RGS6: variants seen among roughly 807,000 people sequenced by gnomAD.
The protein encoded by RGS6 is regulator of G-protein signaling 6.
Under a neutral mutation model 78.5 loss-of-function variants are expected in RGS6, and 30 were observed. The ratio of observed to expected loss-of-function variants is 0.38; its 90% confidence interval spans 0.29 to 0.52. The LOEUF is 0.52. RGS6 is among the 20% of genes least tolerant of loss of function. The pLI is 0.85. For missense variants in RGS6, 495 were observed against 609.7 expected (o/e 0.81, Z 1.98); for synonymous variants, 206 against 206.0 (o/e 1.00, Z 0.00).
intron 2 of RGS6, among the ~76,000 whole-genome samples, chr14:72,103,895 T>C (rs1266496333): frequency 6.6e-6 from 1 of 152,224 alleles, no homozygotes; most frequent in Non-Finnish European, 1.5e-5. Context: ...TGACCATTTT[T>C]ACAATTTACC....
chr14:72,546,414 G>A (rs955509566), intron 17 of RGS6, among the ~76,000 whole-genome samples: 7 of 152,214 alleles, frequency 4.6e-5, no homozygotes, highest in Non-Finnish European at 8.8e-5. Flanking sequence ...GGAGTCTCGA[G>A]ACTTTTATCA....
the RGS6 span, among the ~76,000 whole-genome samples, chr14:71,926,838 A>G: frequency 6.6e-6 from 1 of 152,126 alleles, no homozygotes; most frequent in Non-Finnish European, 1.5e-5. Flanking sequence ...ATAGGGTTTC[A>G]ATGGACACAT....
chr14:72,017,779 C>T (rs11845993), intron 2 of RGS6, among the ~76,000 whole-genome samples: 1 of 151,088 alleles, frequency 6.6e-6, no homozygotes. Flanking sequence ...TTTTTTTTTT[C>T]TTCAACTTTT....
At chr14:72,390,090 CTTTTTTTTT>C (rs767640465) in intron 3 of RGS6, among the ~76,000 whole-genome samples, 1 of 117,408 alleles carries the variant, frequency 8.5e-6, no homozygotes, top group South Asian at 3.0e-4. Flanking sequence ...AGCTATAGTT[CTTTTTTTTT>C]TTTTTTTTTT....
chr14:72,220,558 G>C (rs2046632562), intron 2 of RGS6, among the ~76,000 whole-genome samples: 1 of 152,172 alleles, frequency 6.6e-6, no homozygotes, highest in South Asian at 2.1e-4. Flanking sequence ...TTGGAGTGAA[G>C]TGCCTACTGA....
intron 3 of RGS6, among the ~76,000 whole-genome samples, chr14:72,440,414 CTTTT>C (rs60589205): frequency 2.3e-5 from 3 of 131,970 alleles, no homozygotes; most frequent in African/African-American, 2.8e-5. Context: ...ACCTACACTT[CTTTT>C]TTTTTTTTTT....
chr14:72,058,809 A>G (rs1164468124), intron 2 of RGS6, among the ~76,000 whole-genome samples: 2 of 152,198 alleles, frequency 1.3e-5, no homozygotes, highest in African/African-American at 4.8e-5. Flanking sequence ...TATTGTGAAT[A>G]TTATATTAGA....
chr14:72,235,384 G>A (rs1027784258), intron 2 of RGS6, among the ~76,000 whole-genome samples: 2 of 152,206 alleles, frequency 1.3e-5, no homozygotes, highest in Non-Finnish European at 2.9e-5. Context: ...GGACAGTGGG[G>A]ACTGGAGCTG....
At chr14:72,195,141 G>C (rs891573146) in intron 2 of RGS6, among the ~76,000 whole-genome samples, 3 of 152,126 alleles carry the variant, frequency 2.0e-5, no homozygotes, top group African/African-American at 7.2e-5. Context: ...CCAGAAGTCA[G>C]AGGTTGCAGT....
At chr14:71,916,184 G>C in the RGS6 span, among the ~76,000 whole-genome samples, 1 of 152,238 alleles carries the variant, frequency 6.6e-6, no homozygotes, top group African/African-American at 2.4e-5. Flanking sequence ...GTTTGTAGAT[G>C]TGGAGCTGGG....
At chr14:72,157,806 G>A (rs1430727432) in intron 2 of RGS6, among the ~76,000 whole-genome samples, 1 of 152,108 alleles carries the variant, frequency 6.6e-6, no homozygotes, top group East Asian at 1.9e-4. Flanking sequence ...TGAGTGTAAA[G>A]ATGCAGGACC....
chr14:72,462,751 A>G (rs1049275164), intron 6 of RGS6, among the ~76,000 whole-genome samples: 3 of 152,168 alleles, frequency 2.0e-5, no homozygotes, highest in Admixed American at 2.0e-4. Context: ...TCCATCACTA[A>G]CTAGCCCTTG....
At chr14:72,619,292 G>A in the RGS6 span, 1 of 1,536,036 alleles carries the variant, frequency 6.5e-7, no homozygotes, top group South Asian at 1.2e-5. Context: ...CTGTGACCTG[G>A]GGCCCTAGGC....
intron 2 of RGS6, among the ~76,000 whole-genome samples, chr14:72,345,803 A>G (rs527800883): frequency 6.6e-6 from 1 of 152,270 alleles, no homozygotes; most frequent in African/African-American, 2.4e-5. Context: ...CAGTACGTAC[A>G]CACAAATACA....
At chr14:71,869,266 A>G in the RGS6 span, among the ~76,000 whole-genome samples, 1 of 152,190 alleles carries the variant, frequency 6.6e-6, no homozygotes, top group Non-Finnish European at 1.5e-5. Flanking sequence ...AGCACTGAAG[A>G]TGCTAGCAGC....
In RGS6 at chr14:72,258,109, T is replaced by C. The variant is rs533812713; in HGVS notation, c.85-93986T>C. The stretch of plus-strand genomic sequence containing the variant: ...TTCATTTTGGAGCACTCTCTGGGGA[T>C]TTGGTTACAGAAAAATCCAGAGGAT... On this transcript the variant is annotated intron_variant, in intron 2 of 17. Coordinates refer to ENST00000553525, the MANE Select transcript of RGS6 (RefSeq NM_001204424.2). 2.0e-5 allele frequency among the ~76,000 whole-genome samples: 3 copies of C among 152,164 alleles called. No homozygotes were observed. In the South Asian group the frequency reaches 6.2e-4, roughly 32 times the overall value.
chr14:72,147,522 A>G (rs1379801299), intron 2 of RGS6, among the ~76,000 whole-genome samples: 1 of 152,220 alleles, frequency 6.6e-6, no homozygotes, highest in Admixed American at 6.5e-5. Flanking sequence ...ACATTAATCT[A>G]TTCATGAGCC....
chr14:72,309,050 G>C (rs1223033718), intron 2 of RGS6, among the ~76,000 whole-genome samples: 1 of 152,122 alleles, frequency 6.6e-6, no homozygotes, highest in Non-Finnish European at 1.5e-5. Flanking sequence ...ATGTCCTCTT[G>C]ATTTTAAATT....
rs569391098 is a variant in RGS6, at chr14:72,371,848, C to G, written c.184+19654C>G. Among the ~76,000 whole-genome samples, 6 of 152,268 alleles carry G rather than the reference C, an allele frequency of 3.9e-5. No homozygotes were observed. In the South Asian group the frequency reaches 1.2e-3, roughly 32 times the overall value. On this transcript the variant is annotated intron_variant, in intron 3 of 17. Coordinates refer to ENST00000553525, the MANE Select transcript of RGS6 (RefSeq NM_001204424.2). ...AAATCCAGATTTAGTGTAGCTGACC[C>G]GGGATCACTGACTCTTTTTTAGAGA...
Sources: gnomAD v4.1 joint callset for allele counts (sites outside exome capture counted in the v4.1 genomes callset) on GRCh38, gnomAD v4.1.1 for gene constraint, MANE v1.5 for transcripts, NCBI Gene and HGNC (gene_info 2026-07-23, HGNC 2026-07-21) for gene names.